LINGO2: variants seen among roughly 807,000 people sequenced by gnomAD.
The protein encoded by LINGO2 is leucine-rich repeat and immunoglobulin-like domain-containing nogo receptor-interacting protein 2.
A neutral mutation model predicts 30.6 loss-of-function variants in LINGO2; 14 were observed. That is an observed-to-expected ratio of 0.46 (90% CI 0.30 to 0.72). The LOEUF is 0.72. Among genes scored for constraint, LINGO2 ranks in the 30% least tolerant of loss-of-function variants. LINGO2 has a pLI of 0.07. For missense variants in LINGO2, 729 were observed against 751.7 expected (o/e 0.97, Z 0.35); for synonymous variants, 317 against 288.5 (o/e 1.10, Z -1.00).
chr9:28,491,038 C>T (rs1826374189), intron 1 of LINGO2, among the ~76,000 whole-genome samples: 1 of 152,152 alleles, frequency 6.6e-6, no homozygotes, highest in Non-Finnish European at 1.5e-5. Context: ...TAATTCTTAA[C>T]AGTGGTTAAC....
At chr9:28,480,983 C>T (rs1179051402) in intron 1 of LINGO2, among the ~76,000 whole-genome samples, 1 of 152,002 alleles carries the variant, frequency 6.6e-6, no homozygotes, top group Non-Finnish European at 1.5e-5. Flanking sequence ...AATTTTGTTC[C>T]CAATTTCACC....
the LINGO2 span, among the ~76,000 whole-genome samples, chr9:29,048,396 C>T: frequency 1.3e-5 from 2 of 151,814 alleles, no homozygotes; most frequent in Admixed American, 6.6e-5. Context: ...TCCACACTAT[C>T]CAAAGCAATC....
intron 4 of LINGO2, among the ~76,000 whole-genome samples, chr9:28,197,933 A>AT (rs1200602192): frequency 3.9e-5 from 6 of 151,922 alleles, no homozygotes; most frequent in Non-Finnish European, 7.4e-5. Flanking sequence ...GTAAAGTGCC[A>AT]TTTTTTTGAC....
the LINGO2 span, among the ~76,000 whole-genome samples, chr9:29,063,406 CT>C: frequency 0.022 from 3,147 of 142,430 alleles, 58 homozygotes; most frequent in Admixed American, 0.052. Context: ...CTATTTACAC[CT>C]TTTTTTTTTT....
chr9:28,080,035 C>G (rs567079430), intron 4 of LINGO2, among the ~76,000 whole-genome samples: 1 of 152,324 alleles, frequency 6.6e-6, no homozygotes, highest in East Asian at 1.9e-4. Flanking sequence ...CAAAGTAACT[C>G]TTGATAACAA....
rs1554725781 is a variant in LINGO2, at chr9:28,479,875, G to GTGTGTGTA, written c.-364-3851_-364-3850insTACACACA. 7.6e-4 allele frequency among the ~76,000 whole-genome samples: 90 copies of GTGTGTGTA among 118,494 alleles called. 1 individual carries two copies. The highest frequency in any genetic ancestry group is 5.5e-3 in the South Asian group (19 of 3,470). The allele number at this position is 118,494 out of a possible 152,430, so 77.7% of individuals were successfully genotyped here. A position where few individuals can be genotyped will look rare whatever the true frequency, so the allele number is the denominator to read the frequency against. ...TGTGTGTGTGTGTGTGTGTGTGTGT[G>GTGTGTGTA]TGTGTGTGTATGTGTGTATGTGTAT... is the stretch of plus-strand genomic sequence containing the variant. On this transcript the variant is annotated intron_variant, in intron 1 of 5. Transcript: ENST00000379992.
chr9:28,629,162 T>C (rs1231209850), intron 1 of LINGO2, among the ~76,000 whole-genome samples: 1 of 152,074 alleles, frequency 6.6e-6, no homozygotes, highest in African/African-American at 2.4e-5. Context: ...GCAATGCTAA[T>C]GTCAAGAAAC....
the LINGO2 span, among the ~76,000 whole-genome samples, chr9:28,784,779 C>T: frequency 6.6e-6 from 1 of 151,950 alleles, no homozygotes; most frequent in Non-Finnish European, 1.5e-5. Context: ...TGGTGAAACC[C>T]CGTCTCTACT....
chr9:28,674,650 ATCT>A (rs1392526220), upstream of LINGO2, among the ~76,000 whole-genome samples: 1 of 152,186 alleles, frequency 6.6e-6, no homozygotes, highest in Non-Finnish European at 1.5e-5. Flanking sequence ...ACTATATGAC[ATCT>A]TCTCTCAAAA....
intron 4 of LINGO2, among the ~76,000 whole-genome samples, chr9:28,073,516 G>A (rs1825540623): frequency 6.6e-6 from 1 of 152,114 alleles, no homozygotes; most frequent in Non-Finnish European, 1.5e-5. Context: ...AACCCTTTAA[G>A]TCTTGAAAGC....
At chr9:28,460,152 A>C (rs1425871802) in intron 2 of LINGO2, among the ~76,000 whole-genome samples, 2 of 152,162 alleles carry the variant, frequency 1.3e-5, no homozygotes, top group African/African-American at 4.8e-5. Flanking sequence ...CACTGACAGT[A>C]TATCTGATTT....
chr9:28,143,819 A>G (rs1357285814), intron 4 of LINGO2, among the ~76,000 whole-genome samples: 2 of 152,158 alleles, frequency 1.3e-5, no homozygotes, highest in South Asian at 4.1e-4. Flanking sequence ...AAAAAAGGAA[A>G]CCAATAACTC....
rs567821232 is a variant in LINGO2, at chr9:28,054,626, A to G, written c.-86-42221T>C. On this transcript the variant is annotated intron_variant, in intron 4 of 5. Coordinates refer to ENST00000379992, the Ensembl canonical transcript of LINGO2. ...CCCCTTTTATCTTCCTCAAAAGTGA[A>G]CAAAAACAGAGCAGGCATTAATTTG... is the stretch of plus-strand genomic sequence containing the variant. Among the ~76,000 whole-genome samples, 3 of 152,278 alleles carry G rather than the reference A, an allele frequency of 2.0e-5. No homozygotes were observed. In the East Asian group the frequency reaches 5.8e-4, roughly 29 times the overall value.
intron 4 of LINGO2, among the ~76,000 whole-genome samples, chr9:28,166,839 T>A (rs1284916895): frequency 1.3e-5 from 2 of 152,054 alleles, no homozygotes; most frequent in African/African-American, 4.8e-5. Context: ...TATCAATTCC[T>A]CTTGTCTACT....
intron 2 of LINGO2, among the ~76,000 whole-genome samples, chr9:28,396,722 T>TAAAAAAAAAAA (rs1822063952): frequency 2.9e-5 from 1 of 34,630 alleles, no homozygotes; most frequent in Non-Finnish European, 7.0e-5. Context: ...AAAAAAAAAG[T>TAAAAAAAAAAA]CCTGACCAAA....
the LINGO2 span, among the ~76,000 whole-genome samples, chr9:28,723,474 A>G: frequency 1.3e-5 from 2 of 152,244 alleles, no homozygotes; most frequent in South Asian, 2.1e-4. Flanking sequence ...GGAAAATTCT[A>G]TATTCCTTGA....
At chr9:28,713,440 T>A in the LINGO2 span, among the ~76,000 whole-genome samples, 2 of 152,180 alleles carry the variant, frequency 1.3e-5, no homozygotes, top group African/African-American at 4.8e-5. Flanking sequence ...CAGTTAGTTA[T>A]GATCATATGA....
chr9:29,025,524 A>T, the LINGO2 span, among the ~76,000 whole-genome samples: 4 of 152,134 alleles, frequency 2.6e-5, no homozygotes, highest in East Asian at 7.7e-4. Flanking sequence ...AGATACTTCT[A>T]TGACTTTTTG....
At chr9:28,245,421 C>T (rs1237637635) in intron 4 of LINGO2, among the ~76,000 whole-genome samples, 1 of 152,170 alleles carries the variant, frequency 6.6e-6, no homozygotes, top group Non-Finnish European at 1.5e-5. Context: ...CTCACCACTC[C>T]TATTCAACAT....
Sources: allele counts gnomAD v4.1 joint callset (sites outside exome capture counted in the v4.1 genomes callset), GRCh38; gene constraint gnomAD v4.1.1; transcripts MANE v1.5; gene names NCBI Gene and HGNC (gene_info 2026-07-23, HGNC 2026-07-21).